The following HERC1 variants were observed in gnomAD, a reference collection of about 807,000 sequenced individuals.
HERC1 encodes probable E3 ubiquitin-protein ligase HERC1.
In HERC1, 160 loss-of-function variants were observed where a neutral mutation model predicts 554.3. The ratio of observed to expected loss-of-function variants is 0.29; its 90% CI spans 0.25 to 0.33. The LOEUF (loss-of-function observed/expected upper bound fraction) is 0.33. HERC1 is among the 10% of genes least tolerant of loss of function. The pLI is 1.00. For missense variants in HERC1, 4,919 were observed against 5,918.5 expected (o/e 0.83, Z 5.54); for synonymous variants, 2,175 against 2,131.7 (o/e 1.02, Z -0.56).
intron 19 of HERC1, among the ~76,000 whole-genome samples, chr15:63,721,283 G>A (rs1371541228): frequency 6.6e-6 from 1 of 152,182 alleles, no homozygotes; most frequent in Non-Finnish European, 1.5e-5. Context: ...CAGCACTTTG[G>A]GAAGCCGAGG....
rs371907058 is a variant in HERC1 at position 63,747,099 on chromosome 15, C to A, written c.2355-16G>T. Reference sequence around the variant, plus strand: ...GTGGTGTTCTCTGAAACCAAATAAACGTCTATGAATTCTCGGATCATAAAA... The same window carrying A: ...GTGGTGTTCTCTGAAACCAAATAAAAGTCTATGAATTCTCGGATCATAAAA... On this transcript the variant is annotated splice_polypyrimidine_tract_variant and intron_variant, in intron 11 of 77. Coordinates refer to ENST00000443617, the MANE Select transcript of HERC1 (RefSeq NM_003922.4). 83 of 1,584,958 alleles carry A rather than the reference C, an allele frequency of 5.2e-5. 1 individual carries two copies. The highest frequency in any genetic ancestry group is 8.6e-7 in the Non-Finnish European group (1 of 1,165,258).
At chr15:63,803,953 C>A (rs2077063800) in intron 1 of HERC1, among the ~76,000 whole-genome samples, 1 of 152,118 alleles carries the variant, frequency 6.6e-6, no homozygotes, top group Non-Finnish European at 1.5e-5. Context: ...ATCAACAGAA[C>A]AGAACTGAGG....
intron 22 of HERC1, among the ~76,000 whole-genome samples, chr15:63,714,876 G>T (rs1411601034): frequency 6.6e-6 from 1 of 151,948 alleles, no homozygotes; most frequent in Non-Finnish European, 1.5e-5. Context: ...GGGAAACCAG[G>T]CCAAAAAAGT....
chr15:63,677,923 T>A lies in HERC1; in HGVS notation c.6992A>T (p.His2331Leu). 1 of 1,614,030 alleles carries A rather than the reference T, an allele frequency of 6.2e-7. No individual in the cohort carries two copies. The highest frequency in any genetic ancestry group is 8.5e-7 in the Non-Finnish European group (1 of 1,179,894). The change falls in exon 37 of 78, where the codon CAT becomes CTT. Residue 2331 changes from histidine to leucine, a missense_variant. By Grantham distance (99) the His-to-Leu change is moderately conservative. Coordinates refer to ENST00000443617, the MANE Select transcript of HERC1 (RefSeq NM_003922.4). This position sits in a 1 kb window ranked among gnomAD's most constrained non-coding sequence, Gnocchi z 4.4. ...GRCVHKQTGR[H>L]ATLLGVVKEG... ...TTTGACCACTCCCAGCAGCGTGGCATGGCGCCCAGTTTGCTTGTGAACACA... is the reference window on the plus strand; with the variant it reads ...TTTGACCACTCCCAGCAGCGTGGCAAGGCGCCCAGTTTGCTTGTGAACACA...
chr15:63,754,190 T>C (rs2075345812), intron 7 of HERC1, among the ~76,000 whole-genome samples: 1 of 151,550 alleles, frequency 6.6e-6, no homozygotes, highest in Non-Finnish European at 1.5e-5. Flanking sequence ...AAAAAAACTA[T>C]TAGAGTAAAA....
At chr15:63,675,208 A>G (rs539187694) in intron 37 of HERC1, 91 bp from the exon 38 acceptor site, 10 of 1,031,950 alleles carry the variant, frequency 9.7e-6, no homozygotes, top group Non-Finnish European at 1.4e-5. Context: ...AATAAGGTGC[A>G]TCATGTACAC....
chr15:63,723,133 G>A, intron 19 of HERC1, 49 bp downstream of exon 19: 1 of 1,187,072 alleles, frequency 8.4e-7, no homozygotes, highest in South Asian at 3.0e-5. Flanking sequence ...ATATTTGCGA[G>A]CATTATGAGC....
At chr15:63,640,082 G>A (rs2068969682) in intron 61 of HERC1, 70 bp downstream of exon 61, 5 of 1,413,204 alleles carry the variant, frequency 3.5e-6, no homozygotes, top group Non-Finnish European at 4.9e-6. Context: ...ACTTATTAGG[G>A]GTCTGCTACA....
intron 5 of HERC1, among the ~76,000 whole-genome samples, chr15:63,755,647 G>C (rs1304359560): frequency 2.0e-5 from 3 of 152,136 alleles, no homozygotes; most frequent in Non-Finnish European, 4.4e-5. Flanking sequence ...AGGCATGGTG[G>C]CGCATGTCTA....
chr15:63,666,540 T>A, intron 40 of HERC1, 68 bp from the exon 41 acceptor site: 2 of 995,388 alleles, frequency 2.0e-6, no homozygotes, highest in Non-Finnish European at 3.1e-6. Flanking sequence ...AGTGTCTTCA[T>A]AGTCCTCAAT....
rs199771827 is a variant in HERC1, at chr15:63,694,391, T to C, written c.5401A>G (p.Lys1801Glu). The C allele has an allele frequency of 3.7e-5, 60 of 1,613,986 alleles. No individual in the cohort carries two copies. The African/African-American group carries it at 6.9e-4, about 19-fold the overall frequency. ...GTGCTAAGCTGGGAAACACCCGTCT[T>C]TGGCAACAACTGCAGGGGCTGTCCT... ...MLGQPLQLLP[K>E]TGVSQLSTAL... The change falls in exon 29 of 78, where the codon AAG (lysine) becomes GAG (glutamate). Residue 1801 changes from lysine (K) to glutamate (E), a missense_variant. Physicochemically the swap from Lys to Glu is moderately conservative, Grantham distance 56. This residue lies in a region of HERC1 where 1,121 missense variants were observed against 1,244.0 expected (regional missense o/e 0.90). Transcript: ENST00000443617. This position sits in a 1 kb window ranked among gnomAD's most constrained non-coding sequence, Gnocchi z 4.3.
intron 1 of HERC1, among the ~76,000 whole-genome samples, chr15:63,777,687 A>C (rs924563902): frequency 4.6e-5 from 7 of 152,204 alleles, no homozygotes; most frequent in Admixed American, 4.6e-4. Flanking sequence ...TATCTTTTAC[A>C]TACACACACA....
intron 72 of HERC1, 54 bp from the exon 73 acceptor site, chr15:63,623,944 A>C (rs2068192688): frequency 6.4e-7 from 1 of 1,571,944 alleles, no homozygotes; most frequent in Admixed American, 1.7e-5. Context: ...ATTTCCCCAA[A>C]ATCACATGAT....
Position 63,692,907 on chromosome 15 carries a change from G to A in HERC1, c.5675-341C>T, listed in dbSNP as rs1031303824. Among the ~76,000 whole-genome samples the A allele has an allele frequency of 1.3e-5, 2 of 152,104 alleles. No homozygotes were observed. The highest frequency in any genetic ancestry group is 6.5e-5 in the Admixed American group (1 of 15,274). On this transcript the variant is annotated intron_variant, in intron 30 of 77. Coordinates refer to ENST00000443617, the MANE Select transcript of HERC1 (RefSeq NM_003922.4). The surrounding 1 kb of genome is among the most constrained non-coding windows in gnomAD (Gnocchi z 4.7). Reference sequence around the variant, plus strand: ...CCAGTTCCCAAATATCAGGACAGGCGCAATGGCTCACATCTGTAATCCCAG... The same window carrying A: ...CCAGTTCCCAAATATCAGGACAGGCACAATGGCTCACATCTGTAATCCCAG...
Position 63,729,238 on chromosome 15 carries a change from C to T in HERC1, c.3152G>A (p.Arg1051Lys), listed in dbSNP as rs2074174498. ...PWNGSVGEKL[R>K]DVIYVSAAGS... ...TTGAAATGAAATACCAAACTCACCT[C>T]TTAATTTTTCTCCAACACTGCCATT... The change falls in exon 16 of 78, where the codon AGA becomes AAA. Residue 1051 changes from arginine (R) to lysine (K), a missense_variant and splice_region_variant. By Grantham distance (26) the Arg-to-Lys change is conservative. This residue lies in a region of HERC1 where 1,121 missense variants were observed against 1,244.0 expected (regional missense o/e 0.90). Transcript: ENST00000443617. 1 of 1,594,798 alleles carries T rather than the reference C, an allele frequency of 6.3e-7. No individual in the cohort carries two copies. The highest frequency in any genetic ancestry group is 1.8e-5 in the Admixed American group (1 of 54,206).
intron 46 of HERC1, among the ~76,000 whole-genome samples, chr15:63,660,195 C>T (rs1254871878): frequency 6.6e-6 from 1 of 152,094 alleles, no homozygotes; most frequent in Non-Finnish European, 1.5e-5. Context: ...TGGTGTGTGC[C>T]TGTAATCCCA....
At chr15:63,740,829 T>C (rs531906416) in intron 12 of HERC1, among the ~76,000 whole-genome samples, 1 of 152,322 alleles carries the variant, frequency 6.6e-6, no homozygotes, top group African/African-American at 2.4e-5. Context: ...AACTAGAACC[T>C]CATCAGATCT....
intron 37 of HERC1, among the ~76,000 whole-genome samples, chr15:63,675,905 T>TTG (rs1211646446): frequency 1.5e-5 from 2 of 137,210 alleles, no homozygotes; most frequent in Non-Finnish European, 3.2e-5. Context: ...GTATACATCT[T>TTG]TTTTTTTTTT....
At chr15:63,712,922 T>C in intron 23 of HERC1, 27 bp from the exon 24 acceptor site, 1 of 1,593,258 alleles carries the variant, frequency 6.3e-7, no homozygotes, top group Non-Finnish European at 8.5e-7. Context: ...AAAAAAAAAG[T>C]TTTTTGATTT....
Sources: gnomAD v4.1 joint callset for allele counts (sites outside exome capture counted in the v4.1 genomes callset) on GRCh38, gnomAD v4.1.1 for gene constraint, gnomAD v4.1.1 regional missense constraint, Gnocchi (gnomAD v3.1) non-coding constraint, MANE v1.5 for transcripts, NCBI Gene and HGNC (gene_info 2026-07-23, HGNC 2026-07-21) for gene names.